The following GPR141 variants were observed in gnomAD, a reference collection of about 807,000 sequenced individuals.
GPR141 encodes G protein-coupled receptor 141.
A neutral mutation model predicts 6.8 loss-of-function variants in GPR141; 6 were observed. That is an observed-to-expected ratio of 0.88 (90% CI 0.48 to 1.74). GPR141 has a LOEUF of 1.74. GPR141 is among the 40% of genes most tolerant of loss of function. GPR141 has a pLI of 0.01. For missense variants in GPR141, 372 were observed against 372.9 expected (o/e 1.00, Z 0.02); for synonymous variants, 140 against 142.3 (o/e 0.98, Z 0.11).
intron 2 of GPR141, among the ~76,000 whole-genome samples, chr7:37,697,856 T>C (rs1366026025): frequency 6.6e-6 from 1 of 152,170 alleles, no homozygotes; most frequent in Non-Finnish European, 1.5e-5. Context: ...GGCTAGTGGT[T>C]AGGAGCCTGG....
At chr7:37,721,404 C>T (rs1030407625) in intron 2 of GPR141, among the ~76,000 whole-genome samples, 1 of 152,122 alleles carries the variant, frequency 6.6e-6, no homozygotes, top group Non-Finnish European at 1.5e-5. Flanking sequence ...TAGATGTGCC[C>T]GTTATTGGTG....
chr7:37,718,954 T>TGTATATGTGTTGCAGGGTGGGG (rs1811180751), intron 2 of GPR141, among the ~76,000 whole-genome samples: 5 of 152,234 alleles, frequency 3.3e-5, no homozygotes, highest in African/African-American at 1.2e-4. Context: ...TGTGTGTGCG[T>TGTATATGTGTTGCAGGGTGGGG]GTATATGTGT....
intron 2 of GPR141, among the ~76,000 whole-genome samples, chr7:37,734,930 GTAC>G (rs1812161078): frequency 6.6e-6 from 1 of 152,180 alleles, no homozygotes; most frequent in South Asian, 2.1e-4. Context: ...ACAAATAACA[GTAC>G]TATAACATAT....
At chr7:37,684,881 A>G (rs1362555345) in intron 1 of GPR141, among the ~76,000 whole-genome samples, 2 of 152,218 alleles carry the variant, frequency 1.3e-5, no homozygotes, top group Non-Finnish European at 2.9e-5. Context: ...GGGAAGACCA[A>G]TGGATGAGGA....
At chr7:37,739,668 C>T (rs1812432671) in intron 2 of GPR141, among the ~76,000 whole-genome samples, 1 of 152,054 alleles carries the variant, frequency 6.6e-6, no homozygotes, top group South Asian at 2.1e-4. Context: ...TTCAGGAGTC[C>T]AGGGGATAAA....
intron 2 of GPR141, among the ~76,000 whole-genome samples, chr7:37,718,028 A>C (rs1811130246): frequency 1.3e-5 from 2 of 152,028 alleles, no homozygotes; most frequent in South Asian, 4.2e-4. Context: ...ATTGTTAAAA[A>C]GTTTATAACT....
intron 2 of GPR141, among the ~76,000 whole-genome samples, chr7:37,690,151 T>C (rs1809690238): frequency 6.6e-6 from 1 of 152,196 alleles, no homozygotes; most frequent in Non-Finnish European, 1.5e-5. Context: ...TCATGACCAA[T>C]TGGTCATTCA....
chr7:37,735,168 AT>A (rs540265441), intron 2 of GPR141, among the ~76,000 whole-genome samples: 468 of 152,324 alleles, frequency 3.1e-3, no homozygotes, highest in African/African-American at 0.01. Flanking sequence ...ATAAAGTAAA[AT>A]ACAGAAGTTA....
intron 2 of GPR141, among the ~76,000 whole-genome samples, chr7:37,690,386 G>T (rs922116645): frequency 6.6e-6 from 1 of 152,002 alleles, no homozygotes; most frequent in Non-Finnish European, 1.5e-5. Flanking sequence ...GAGGGTTTTC[G>T]CAAGATCCAC....
At chr7:37,730,658 G>A (rs1037606683) in intron 2 of GPR141, among the ~76,000 whole-genome samples, 1 of 152,204 alleles carries the variant, frequency 6.6e-6, no homozygotes, top group African/African-American at 2.4e-5. Context: ...CCAGGGCCCG[G>A]CCATGGCCAT....
chr7:37,707,507 CTT>C (rs1810578076), intron 2 of GPR141, among the ~76,000 whole-genome samples: 1 of 151,642 alleles, frequency 6.6e-6, no homozygotes, highest in Non-Finnish European at 1.5e-5. Context: ...ACCATACTAT[CTT>C]TATCACTCTC....
chr7:37,684,441 T>A (rs1003280790), intron 1 of GPR141, among the ~76,000 whole-genome samples: 1 of 152,212 alleles, frequency 6.6e-6, no homozygotes, highest in Non-Finnish European at 1.5e-5. Flanking sequence ...TTATAATTCT[T>A]TCCATCCCAC....
At chr7:37,720,001 G>A (rs1482955907) in intron 2 of GPR141, among the ~76,000 whole-genome samples, 4 of 152,168 alleles carry the variant, frequency 2.6e-5, no homozygotes, top group Non-Finnish European at 5.9e-5. Context: ...GGGCCAGCCT[G>A]GAACCAGCCT....
intron 2 of GPR141, among the ~76,000 whole-genome samples, chr7:37,736,930 T>C (rs568764892): frequency 6.6e-6 from 1 of 152,230 alleles, no homozygotes; most frequent in South Asian, 2.1e-4. Flanking sequence ...AATGATACAA[T>C]ACAATAATAT....
At chr7:37,687,559 G>A (rs1341085097) in intron 2 of GPR141, among the ~76,000 whole-genome samples, 2 of 151,970 alleles carry the variant, frequency 1.3e-5, no homozygotes, top group Non-Finnish European at 2.9e-5. Context: ...ACATATTCCC[G>A]GATCTCCTTA....
intron 2 of GPR141, among the ~76,000 whole-genome samples, chr7:37,709,162 G>A (rs2709106): frequency 0.68 from 104,010 of 152,022 alleles, 35,940 homozygotes; most frequent in South Asian, 0.79. Flanking sequence ...AAAAATGAGA[G>A]ATCATCGTAC....
At position 37,717,819 on chromosome 7, in the gene GPR141, C is replaced by T. The variant is rs184479056; in HGVS notation, c.-14-22561C>T. Among the ~76,000 whole-genome samples the T allele has an allele frequency of 4.9e-4, 74 of 152,276 alleles. No homozygotes were observed. In the East Asian group the frequency reaches 7.7e-3, roughly 16 times the overall value. ...CTTCTTTTACTGTGTGTCCCTCCTT[C>T]GTTACTGAACAATCTTTATACATCT... is the stretch of plus-strand genomic sequence containing the variant. On this transcript the variant is annotated intron_variant, in intron 2 of 2. Transcript: ENST00000334425.
chr7:37,701,954 C>T (rs1810294858), intron 2 of GPR141, among the ~76,000 whole-genome samples: 2 of 152,198 alleles, frequency 1.3e-5, no homozygotes, highest in Non-Finnish European at 2.9e-5. Flanking sequence ...GAGCTCCTCC[C>T]TTTTCCCTTT....
intron 2 of GPR141, among the ~76,000 whole-genome samples, chr7:37,736,461 A>G (rs886599954): frequency 6.6e-5 from 10 of 150,956 alleles, no homozygotes; most frequent in Non-Finnish European, 1.2e-4. Context: ...ACATTAACCT[A>G]TAAATTTAAG....
Sources: gnomAD v4.1 joint callset for allele counts (sites outside exome capture counted in the v4.1 genomes callset) on GRCh38, gnomAD v4.1.1 for gene constraint, MANE v1.5 for transcripts, NCBI Gene and HGNC (gene_info 2026-07-23, HGNC 2026-07-21) for gene names.